EPHA6: variants seen among roughly 807,000 people sequenced by gnomAD.
The protein encoded by EPHA6 is EPH receptor A6.
Under a neutral mutation model 112.0 loss-of-function variants are expected in EPHA6, and 50 were observed. That is an observed-to-expected ratio of 0.45 (90% CI 0.36 to 0.56). The LOEUF is 0.56. EPHA6 is among the 20% of genes least tolerant of loss of function. The pLI is 0.00. For synonymous variants in EPHA6, 529 were observed against 490.7 expected (o/e 1.08, Z -1.03); for missense variants, 1,280 against 1,417.4 (o/e 0.90, Z 1.56).
chr3:97,185,722 C>T (rs1163215913), intron 3 of EPHA6, among the ~76,000 whole-genome samples: 3 of 151,998 alleles, frequency 2.0e-5, no homozygotes, highest in Non-Finnish European at 4.4e-5. Flanking sequence ...GGTATATACC[C>T]AAAGGATTAT....
intron 12 of EPHA6, among the ~76,000 whole-genome samples, chr3:97,600,760 A>G (rs2093636724): frequency 6.6e-6 from 1 of 152,048 alleles, no homozygotes; most frequent in South Asian, 2.1e-4. Context: ...GTTATGCTGA[A>G]CTGACATAAG....
At chr3:97,572,867 T>G (rs2093348151) in intron 11 of EPHA6, 1 of 152,194 alleles carries the variant, frequency 6.6e-6, no homozygotes. Flanking sequence ...AATAAGGAAA[T>G]TTAAATCAGA....
Position 97,756,961 on chromosome 3 carries a change from C to G in EPHA6, c.*8260C>G, listed in dbSNP as rs1331816920. ...TTTTTAATTTTGTGTACAGTGAAAA[C>G]TTTGACAGTTTAATTTTGAATTTTG... On this transcript the variant is annotated 3_prime_UTR_variant, in exon 18 of 18. Coordinates refer to ENST00000389672, the MANE Select transcript of EPHA6 (RefSeq NM_001080448.3). Among the ~76,000 whole-genome samples the G allele has an allele frequency of 1.3e-5, 2 of 151,684 alleles. No homozygotes were observed. The highest frequency in any genetic ancestry group is 3.0e-5 in the Non-Finnish European group (2 of 67,734).
Position 97,421,150 on chromosome 3 carries a change from A to G in EPHA6, c.1731+15876A>G, listed in dbSNP as rs556850305. On this transcript the variant is annotated intron_variant, in intron 6 of 17. Coordinates refer to ENST00000389672, the MANE Select transcript of EPHA6 (RefSeq NM_001080448.3). The stretch of plus-strand genomic sequence containing the variant: ...AACTACATAAAAATGTCCATTATCA[A>G]TAGTTTCTACTAAATATTAGAGGAT... 3.4e-4 allele frequency among the ~76,000 whole-genome samples: 52 copies of G among 152,206 alleles called. 1 individual carries two copies. The highest frequency in any genetic ancestry group is 9.6e-4 in the African/African-American group (40 of 41,558).
intron 3 of EPHA6, among the ~76,000 whole-genome samples, chr3:97,108,444 T>C (rs777043136): frequency 6.6e-5 from 10 of 152,174 alleles, no homozygotes; most frequent in Non-Finnish European, 1.3e-4. Flanking sequence ...CAATCTTTAT[T>C]GCATTATATA....
At chr3:96,929,111 A>G (rs1402041470) in intron 2 of EPHA6, among the ~76,000 whole-genome samples, 2 of 152,156 alleles carry the variant, frequency 1.3e-5, no homozygotes, top group South Asian at 4.1e-4. Flanking sequence ...CCTTATATCC[A>G]ACAGCCTGAG....
At chr3:96,974,240 TATAAC>T (rs2042432613) in intron 2 of EPHA6, among the ~76,000 whole-genome samples, 1 of 147,992 alleles carries the variant, frequency 6.8e-6, no homozygotes, top group East Asian at 1.9e-4. Flanking sequence ...AAATTATTAT[TATAAC>T]ATAAAATTTT....
intron 3 of EPHA6, among the ~76,000 whole-genome samples, chr3:97,031,381 C>T (rs1210705138): frequency 6.6e-6 from 1 of 152,104 alleles, no homozygotes; most frequent in Non-Finnish European, 1.5e-5. Context: ...AGGACATAGG[C>T]ATGGGCAAGG....
At chr3:96,990,043 G>A (rs1225828503) in intron 3 of EPHA6, among the ~76,000 whole-genome samples, 3 of 151,992 alleles carry the variant, frequency 2.0e-5, no homozygotes, top group South Asian at 2.1e-4. Flanking sequence ...AATCACATCA[G>A]TTTTACCATA....
chr3:97,479,289 A>G lies in EPHA6; in HGVS notation c.2004-5A>G, dbSNP rs968668108. 6.4e-7 allele frequency: 1 copy of G among 1,571,532 alleles called. No homozygotes were observed. Among genetic ancestry groups the G allele is most frequent in the Non-Finnish European group, 8.6e-7 (1 of 1,162,806 alleles). ...ACAAGTTTTTTTTTTTAATCTTTTT[A>G]AAAGATGTCAGTGGTACATAAAAGC... On this transcript the variant is annotated splice_polypyrimidine_tract_variant and splice_region_variant and intron_variant, in intron 8 of 17. Transcript: ENST00000389672.
intron 2 of EPHA6, among the ~76,000 whole-genome samples, chr3:96,953,519 A>G (rs796402848): frequency 2.0e-5 from 3 of 152,342 alleles, no homozygotes; most frequent in African/African-American, 7.2e-5. Context: ...TGGCTCCTGC[A>G]TACATTTATA....
intron 10 of EPHA6, among the ~76,000 whole-genome samples, chr3:97,487,066 T>G (rs949817946): frequency 6.6e-6 from 1 of 152,012 alleles, no homozygotes; most frequent in African/African-American, 2.4e-5. Flanking sequence ...AGAGGTGAAG[T>G]GAGGTAGAGA....
rs1455523171 is a variant in EPHA6 at position 97,750,066 on chromosome 3, A to G, written c.*1365A>G. Among the ~76,000 whole-genome samples the G allele has an allele frequency of 6.6e-6, 1 of 152,208 alleles. No homozygotes were observed. The highest frequency in any genetic ancestry group is 1.5e-5 in the Non-Finnish European group (1 of 68,034). Reference sequence around the variant, plus strand: ...TGAGTTGGCTTATCAAAATTGTGCTATATCTTATGAACAAATTAAATTATA... The same window carrying G: ...TGAGTTGGCTTATCAAAATTGTGCTGTATCTTATGAACAAATTAAATTATA... On this transcript the variant is annotated 3_prime_UTR_variant, in exon 18 of 18. Coordinates refer to ENST00000389672, the MANE Select transcript of EPHA6 (RefSeq NM_001080448.3).
chr3:96,855,861 A>G (rs1006762797), intron 1 of EPHA6, among the ~76,000 whole-genome samples: 6 of 152,164 alleles, frequency 3.9e-5, no homozygotes, highest in South Asian at 2.1e-4. Flanking sequence ...GTAAGTCTAT[A>G]CAACTCTTAT....
chr3:97,068,167 A>G (rs1224831260), intron 3 of EPHA6, among the ~76,000 whole-genome samples: 1 of 121,334 alleles, frequency 8.2e-6, no homozygotes, highest in Non-Finnish European at 2.0e-5. Context: ...AAAAAAAAGA[A>G]AAAAAAAAAA....
chr3:97,048,108 AAACAT>A (rs2045572360), intron 3 of EPHA6, among the ~76,000 whole-genome samples: 1 of 152,234 alleles, frequency 6.6e-6, no homozygotes, highest in African/African-American at 2.4e-5. Context: ...TCAATAAAAC[AAACAT>A]AACATCTGCC....
At chr3:97,196,989 C>G (rs889072907) in intron 3 of EPHA6, among the ~76,000 whole-genome samples, 5 of 151,638 alleles carry the variant, frequency 3.3e-5, no homozygotes, top group Non-Finnish European at 5.9e-5. Context: ...TGGCTACCAC[C>G]AATATTCACT....
chr3:97,371,440 T>G (rs1014213605), intron 5 of EPHA6, among the ~76,000 whole-genome samples: 3 of 152,140 alleles, frequency 2.0e-5, no homozygotes, highest in African/African-American at 7.2e-5. Flanking sequence ...ACATAAATTG[T>G]GAAGATTTCA....
At chr3:97,586,345 A>C (rs1185101681) in intron 11 of EPHA6, among the ~76,000 whole-genome samples, 1 of 152,170 alleles carries the variant, frequency 6.6e-6, no homozygotes, top group Non-Finnish European at 1.5e-5. Flanking sequence ...ATGGAGTAAA[A>C]GATGCATTTT....
Sources: allele counts gnomAD v4.1 joint callset (sites outside exome capture counted in the v4.1 genomes callset), GRCh38; gene constraint gnomAD v4.1.1; transcripts MANE v1.5; gene names NCBI Gene and HGNC (gene_info 2026-07-23, HGNC 2026-07-21).